LRRK2: variants seen among roughly 807,000 people sequenced by gnomAD.
LRRK2 encodes leucine rich repeat kinase 2, also known as leucine-rich repeat serine/threonine-protein kinase 2.
Under a neutral mutation model 302.6 loss-of-function variants are expected in LRRK2, and 203 were observed. That is an observed-to-expected ratio of 0.67 (90% CI 0.60 to 0.75). The LOEUF (loss-of-function observed/expected upper bound fraction) is 0.75, where lower values mean the gene tolerates loss of function less well. Among genes scored for constraint, LRRK2 ranks in the 30% least tolerant of loss-of-function variants. The pLI is 0.00. For synonymous variants in LRRK2, 1,066 were observed against 1,031.9 expected (o/e 1.03, Z -0.63); for missense variants, 2,830 against 2,951.0 (o/e 0.96, Z 0.95).
intron 33 of LRRK2, 84 bp downstream of exon 33, chr12:40,315,384 T>C: frequency 8.7e-7 from 1 of 1,154,232 alleles, no homozygotes. Flanking sequence ...CATTTTAGAA[T>C]TTGGGTTTAG....
chr12:40,352,936 G>A (rs1045936156), intron 44 of LRRK2, among the ~76,000 whole-genome samples: 17 of 152,320 alleles, frequency 1.1e-4, no homozygotes, highest in African/African-American at 3.6e-4. Context: ...CGACAAAACC[G>A]CCAACGTCAT....
chr12:40,354,215 A>G lies in LRRK2; in HGVS notation c.6577-84A>G, dbSNP rs1346393603. ...CAAGAAAGCAAAAAGAGTTATGTTG[A>G]TAACAGAATCCTTTATTCTGTACAA... On this transcript the variant is annotated intron_variant, in intron 44 of 50. Transcript: ENST00000298910. The G allele has an allele frequency of 1.9e-5, 21 of 1,134,882 alleles. No homozygotes were observed. The East Asian group carries it at 5.2e-4, about 28-fold the overall frequency. 70.3% of individuals were successfully genotyped at this position (1,134,882 alleles called of 1,614,324 possible). A position where few individuals can be genotyped will look rare whatever the true frequency, so the allele number is the denominator to read the frequency against.
In LRRK2 at chr12:40,321,150, G is replaced by A. The variant is rs2136885345; in HGVS notation, c.5132G>A (p.Arg1711Gln). 4.3e-6 allele frequency: 7 copies of A among 1,612,278 alleles called. No homozygotes were observed. In the Admixed American group the frequency reaches 5.0e-5, roughly 12 times the overall value. The change falls in exon 35 of 51, where the codon CGA becomes CAA. Residue 1711 changes from arginine to glutamine, a missense_variant. Arg to Gln is a conservative substitution (Grantham distance 43). Around this residue, in one of 3 missense-constraint regions of LRRK2, gnomAD observed 2,121 missense variants for 2,148.0 expected, o/e 0.99. Coordinates refer to ENST00000298910, the MANE Select transcript of LRRK2 (RefSeq NM_198578.4). ...PMGFWSRLIN[R>Q]LLEISPYMLS... ...GGATTTTGGTCAAGATTAATCAATCGATTACTTGAGATTTCACCTTACATG... is the reference window on the plus strand; with the variant it reads ...GGATTTTGGTCAAGATTAATCAATCAATTACTTGAGATTTCACCTTACATG...
chr12:40,289,163 T>C (rs1944045345), intron 20 of LRRK2, among the ~76,000 whole-genome samples: 1 of 151,834 alleles, frequency 6.6e-6, no homozygotes, highest in Admixed American at 6.6e-5. Context: ...TTGTTGAAAA[T>C]ATTATATAAT....
chr12:40,249,982 G>T (rs201179508), intron 8 of LRRK2, 37 bp downstream of exon 8: 24 of 1,610,268 alleles, frequency 1.5e-5, no homozygotes, highest in Non-Finnish European at 1.5e-5. Context: ...TCTTACAGAG[G>T]CATTTGACAT....
At chr12:40,278,515 G>T (rs986054595) in intron 18 of LRRK2, among the ~76,000 whole-genome samples, 9 of 152,232 alleles carry the variant, frequency 5.9e-5, no homozygotes, top group African/African-American at 2.2e-4. Context: ...CTTTTCAAAT[G>T]TGTCCCTTAG....
chr12:40,245,466 A>G (rs1467093653), intron 7 of LRRK2, among the ~76,000 whole-genome samples: 1 of 152,166 alleles, frequency 6.6e-6, no homozygotes, highest in Admixed American at 6.6e-5. Flanking sequence ...AAGTCCTGAT[A>G]TCTGAAAAGC....
chr12:40,294,897 C>A lies in LRRK2; in HGVS notation c.2861C>A (p.Ser954Tyr). Residue 954 changes from serine to tyrosine, a missense_variant, in exon 22 of 51, where the codon TCT becomes TAT. Coordinates refer to ENST00000298910, the MANE Select transcript of LRRK2 (RefSeq NM_198578.4). ...DLLKRKRKIL[S>Y]SDDSLRSSKL... ...CTGAAGCGAAAAAGAAAAATATTAT[C>A]TTCAGATGATTCACTCAGTAAGTAT... The A allele has an allele frequency of 1.3e-6, 2 of 1,544,162 alleles. No individual in the cohort carries two copies. The highest frequency in any genetic ancestry group is 8.9e-7 in the Non-Finnish European group (1 of 1,121,052).
chr12:40,286,366 G>C (rs1565713558), intron 19 of LRRK2: 1 of 151,946 alleles, frequency 6.6e-6, no homozygotes, highest in Admixed American at 6.6e-5. Flanking sequence ...TGGGTATATG[G>C]GTATAGTGTA....
intron 16 of LRRK2, 39 bp downstream of exon 16, chr12:40,275,032 C>A: frequency 6.2e-7 from 1 of 1,611,576 alleles, no homozygotes; most frequent in South Asian, 1.1e-5. Context: ...GGAACTTGTG[C>A]GAATTTCACT....
chr12:40,328,268 T>G, intron 38 of LRRK2, 92 bp from the exon 39 acceptor site: 1 of 979,902 alleles, frequency 1.0e-6, no homozygotes, highest in Non-Finnish European at 1.6e-6. Context: ...CTATTCAAAT[T>G]TACAACAGAT....
chr12:40,330,726 C>T (rs1945689320), intron 39 of LRRK2, among the ~76,000 whole-genome samples: 1 of 152,242 alleles, frequency 6.6e-6, no homozygotes, highest in East Asian at 1.9e-4. Flanking sequence ...TATCTAGTTA[C>T]TTATGATTCA....
At chr12:40,234,369 CTTTTTTTTTTTTTT>C (rs35906443) in intron 3 of LRRK2, among the ~76,000 whole-genome samples, 2 of 43,040 alleles carry the variant, frequency 4.6e-5, no homozygotes, top group Non-Finnish European at 8.8e-5. Flanking sequence ...GCTAAATTCA[CTTTTTTTTTTTTTT>C]TTTTTTTTTT....
intron 20 of LRRK2, among the ~76,000 whole-genome samples, 172 bp from the exon 21 acceptor site, chr12:40,293,373 C>T (rs1944238008): frequency 6.6e-6 from 1 of 151,816 alleles, no homozygotes; most frequent in South Asian, 2.1e-4. Context: ...AAGTGAAAAA[C>T]CAACATGGCT....
At chr12:40,252,484 C>T (rs1942315501) in intron 10 of LRRK2, among the ~76,000 whole-genome samples, 1 of 151,870 alleles carries the variant, frequency 6.6e-6, no homozygotes, top group South Asian at 2.1e-4. Context: ...CATAGGATAC[C>T]TATTTTTCAA....
intron 14 of LRRK2, among the ~76,000 whole-genome samples, chr12:40,273,108 T>C (rs1943304333): frequency 6.6e-6 from 1 of 152,182 alleles, no homozygotes; most frequent in Non-Finnish European, 1.5e-5. Flanking sequence ...ATGAGGAAGC[T>C]GAGACACACA....
intron 14 of LRRK2, among the ~76,000 whole-genome samples, chr12:40,267,093 C>A (rs998015826): frequency 6.6e-6 from 1 of 152,064 alleles, no homozygotes; most frequent in Non-Finnish European, 1.5e-5. Context: ...TGTAACTAAC[C>A]TGCACGTTGT....
chr12:40,270,007 C>T (rs73108336), intron 14 of LRRK2, among the ~76,000 whole-genome samples: 1,914 of 152,172 alleles, frequency 0.013, 54 homozygotes, highest in African/African-American at 0.041. Flanking sequence ...ACTATGCACC[C>T]TGGACAAGTA....
At chr12:40,348,605 C>A in intron 43 of LRRK2, 96 bp downstream of exon 43, 1 of 785,352 alleles carries the variant, frequency 1.3e-6, no homozygotes, top group Non-Finnish European at 2.1e-6. Flanking sequence ...AACACATAAA[C>A]ACACAGAGAC....
Sources: gnomAD v4.1 joint callset for allele counts (sites outside exome capture counted in the v4.1 genomes callset) on GRCh38, gnomAD v4.1.1 for gene constraint, gnomAD v4.1.1 regional missense constraint, MANE v1.5 for transcripts, NCBI Gene and HGNC (gene_info 2026-07-23, HGNC 2026-07-21) for gene names.